The following PACRG variants were observed in gnomAD, a reference collection of about 807,000 sequenced individuals.
PACRG encodes parkin coregulated gene protein.
In PACRG, 29 loss-of-function variants were observed where a neutral mutation model predicts 29.7. The observed-to-expected ratio is 0.98, with a 90% confidence interval of 0.73 to 1.33. PACRG has a LOEUF of 1.33. Ranked by LOEUF, PACRG falls within the 40% of genes most tolerant of loss-of-function variation. The probability of loss-of-function intolerance (pLI) is 0.00; values close to 1 mark genes in which losing one functional copy is unlikely to be tolerated. For missense variants in PACRG, 279 were observed against 316.2 expected (o/e 0.88, Z 0.89); for synonymous variants, 116 against 118.7 (o/e 0.98, Z 0.15).
intron 2 of PACRG, among the ~76,000 whole-genome samples, chr6:162,968,688 A>G (rs1348792586): frequency 6.6e-6 from 1 of 152,186 alleles, no homozygotes; most frequent in Non-Finnish European, 1.5e-5. Flanking sequence ...ATAATAGAAC[A>G]TAGGTATATA....
chr6:162,925,524 A>T (rs778223132), intron 2 of PACRG, among the ~76,000 whole-genome samples: 2 of 152,224 alleles, frequency 1.3e-5, no homozygotes, highest in African/African-American at 2.4e-5. Context: ...CAAATCAGTA[A>T]ACATAATCTA....
Position 162,978,530 on chromosome 6 carries a change from T to G in PACRG, c.292-83620T>G, listed in dbSNP as rs115879066. On this transcript the variant is annotated intron_variant, in intron 2 of 4. Transcript: ENST00000366888. ...ACATAATTCTATATGGTGTGAGGAT[T>G]AAAATGTATGAACAAATACACTCCC... Among the ~76,000 whole-genome samples the G allele has an allele frequency of 6.9e-3, 1,046 of 152,202 alleles. 14 individuals are homozygous for G. Among genetic ancestry groups the G allele is most frequent in the African/African-American group, 0.024 (1,001 of 41,538 alleles).
chr6:163,134,728 T>C (rs551360733), intron 4 of PACRG, among the ~76,000 whole-genome samples: 10 of 152,334 alleles, frequency 6.6e-5, no homozygotes, highest in African/African-American at 2.4e-4. Context: ...TTTTCCCTAA[T>C]ACCTACCTAA....
At chr6:162,893,566 T>G (rs1355107813) in intron 2 of PACRG, among the ~76,000 whole-genome samples, 1 of 139,600 alleles carries the variant, frequency 7.2e-6, no homozygotes, top group Non-Finnish European at 1.6e-5. Context: ...GCACCACGCG[T>G]GCCCCAGATC....
intron 3 of PACRG, among the ~76,000 whole-genome samples, chr6:163,079,101 C>G (rs1812829215): frequency 6.6e-6 from 1 of 152,060 alleles, no homozygotes; most frequent in African/African-American, 2.4e-5. Flanking sequence ...ACTGATTGCC[C>G]AGAGACACTG....
intron 2 of PACRG, among the ~76,000 whole-genome samples, chr6:163,033,989 C>G (rs765431198): frequency 6.6e-6 from 1 of 152,022 alleles, no homozygotes; most frequent in Non-Finnish European, 1.5e-5. Flanking sequence ...TTAAGACTAG[C>G]CTCACAAATC....
intron 4 of PACRG, among the ~76,000 whole-genome samples, chr6:163,168,407 G>A (rs935513241): frequency 2.6e-5 from 4 of 152,178 alleles, no homozygotes; most frequent in African/African-American, 9.7e-5. Context: ...GGCCGGGGTT[G>A]CGGGTTGGGG....
At chr6:162,863,347 A>G (rs1340660283) in intron 2 of PACRG, among the ~76,000 whole-genome samples, 2 of 152,254 alleles carry the variant, frequency 1.3e-5, no homozygotes, top group Non-Finnish European at 2.9e-5. Context: ...TTGATGTATA[A>G]CATAATCAGC....
intron 4 of PACRG, among the ~76,000 whole-genome samples, chr6:163,289,972 C>G (rs1002509427): frequency 1.3e-5 from 2 of 152,088 alleles, no homozygotes; most frequent in African/African-American, 2.4e-5. Flanking sequence ...CTCAGCCTCC[C>G]GAGTAGCTGG....
At chr6:162,983,084 T>G (rs2128174083) in intron 2 of PACRG, among the ~76,000 whole-genome samples, 1 of 152,188 alleles carries the variant, frequency 6.6e-6, no homozygotes, top group Middle Eastern at 3.4e-3. Flanking sequence ...TTAACTGTTG[T>G]TGCCTTAAAG....
intron 2 of PACRG, among the ~76,000 whole-genome samples, chr6:163,002,885 TGCTGTCCTCA>T (rs1804714068): frequency 6.6e-6 from 1 of 152,196 alleles, no homozygotes; most frequent in Non-Finnish European, 1.5e-5. Flanking sequence ...AAAGGCTGGA[TGCTGTCCTCA>T]GATGTGTTTG....
intron 4 of PACRG, among the ~76,000 whole-genome samples, chr6:163,118,936 A>C (rs575935221): frequency 6.6e-6 from 1 of 152,342 alleles, no homozygotes; most frequent in South Asian, 2.1e-4. Context: ...AAGCTTTAGG[A>C]TATTTTCAAT....
intron 2 of PACRG, among the ~76,000 whole-genome samples, chr6:162,984,923 T>A (rs933586692): frequency 1.3e-5 from 2 of 151,910 alleles, no homozygotes; most frequent in Admixed American, 1.3e-4. Context: ...TTGTTGGATG[T>A]ATAGATTGTG....
At chr6:163,025,437 C>A (rs1807036156) in intron 2 of PACRG, among the ~76,000 whole-genome samples, 1 of 152,068 alleles carries the variant, frequency 6.6e-6, no homozygotes, top group African/African-American at 2.4e-5. Context: ...TTCTATACGC[C>A]AGCAACACGC....
intron 2 of PACRG, among the ~76,000 whole-genome samples, chr6:162,968,001 C>G (rs1268747916): frequency 1.3e-5 from 2 of 151,996 alleles, no homozygotes; most frequent in African/African-American, 4.8e-5. Flanking sequence ...ACAAATATTC[C>G]TAAAGAATAT....
chr6:163,135,227 T>C (rs1007437049), intron 4 of PACRG, among the ~76,000 whole-genome samples: 1 of 151,952 alleles, frequency 6.6e-6, no homozygotes, highest in African/African-American at 2.4e-5. Context: ...CTCGTTCTGT[T>C]GCCTGGGCTG....
intron 3 of PACRG, among the ~76,000 whole-genome samples, chr6:163,069,051 T>G (rs1811807626): frequency 6.6e-6 from 1 of 152,104 alleles, no homozygotes; most frequent in Non-Finnish European, 1.5e-5. Flanking sequence ...GACTCACCAA[T>G]TGACCAACAA....
intron 2 of PACRG, among the ~76,000 whole-genome samples, chr6:162,947,389 C>CATATATAATATATAATCATATATATA (rs1799167484): frequency 2.9e-5 from 1 of 34,524 alleles, no homozygotes; most frequent in Non-Finnish European, 7.4e-5. Flanking sequence ...TATATATAAT[C>CATATATAATATATAATCATATATATA]ATATATAATA....
intron 4 of PACRG, among the ~76,000 whole-genome samples, chr6:163,252,924 A>G (rs1782965375): frequency 6.6e-6 from 1 of 152,198 alleles, no homozygotes; most frequent in South Asian, 2.1e-4. Flanking sequence ...GTGACTGAGT[A>G]TGTGTGTGTG....
Sources: gnomAD v4.1 joint callset for allele counts (sites outside exome capture counted in the v4.1 genomes callset) on GRCh38, gnomAD v4.1.1 for gene constraint, MANE v1.5 for transcripts, NCBI Gene and HGNC (gene_info 2026-07-23, HGNC 2026-07-21) for gene names.